ANKRD31: variants seen among roughly 807,000 people sequenced by gnomAD.
The protein encoded by ANKRD31 is ankyrin repeat domain-containing protein 31.
In ANKRD31, 147 loss-of-function variants were observed where a neutral mutation model predicts 186.0. That is an observed-to-expected ratio of 0.79 (90% CI 0.69 to 0.91). ANKRD31 has a LOEUF of 0.91. ANKRD31 is among the 40% of genes least tolerant of loss of function. ANKRD31 has a pLI of 0.00. For missense variants in ANKRD31, 1,986 were observed against 2,148.8 expected, an observed-to-expected ratio of 0.92 and a Z score of 1.50; for synonymous variants, 673 against 736.4, an observed-to-expected ratio of 0.91 and a Z score of 1.39.
intron 16 of ANKRD31, among the ~76,000 whole-genome samples, chr5:75,138,356 G>A (rs1329529430): frequency 2.0e-5 from 3 of 152,112 alleles, no homozygotes; most frequent in Non-Finnish European, 4.4e-5. Flanking sequence ...TCTTTAAAAT[G>A]ACACCTGGTT....
chr5:75,217,140 C>T (rs1039196830), intron 3 of ANKRD31, among the ~76,000 whole-genome samples: 4 of 151,956 alleles, frequency 2.6e-5, no homozygotes, highest in African/African-American at 9.7e-5. Flanking sequence ...GTTTCATGTC[C>T]GATTGCAGGG....
chr5:75,097,522 A>C (rs1746428220), intron 22 of ANKRD31, among the ~76,000 whole-genome samples: 1 of 151,902 alleles, frequency 6.6e-6, no homozygotes, highest in Admixed American at 6.6e-5. Context: ...TTTTCTTGTA[A>C]ATTTGTTTAA....
intron 17 of ANKRD31, among the ~76,000 whole-genome samples, chr5:75,124,644 G>T (rs1174722857): frequency 3.9e-5 from 6 of 152,064 alleles, no homozygotes; most frequent in African/African-American, 1.4e-4. Context: ...CCATAACAAA[G>T]AATGGGATCA....
chr5:75,180,964 A>C (rs901825310), intron 10 of ANKRD31, among the ~76,000 whole-genome samples: 34 of 152,060 alleles, frequency 2.2e-4, no homozygotes, highest in African/African-American at 7.7e-4. Context: ...AATGGGAGAA[A>C]ATTTTTGCAA....
rs143043580 is a variant in ANKRD31, at chr5:75,075,697, G to C, written c.5647+4871C>G. On this transcript the variant is annotated intron_variant, in intron 25 of 25. Transcript: ENST00000506364. ...GCTTTGGGCCAGTGAAGAGAGATGG[G>C]AACAGATAAAGACACCTAAAAAGAC... Among the ~76,000 whole-genome samples the C allele has an allele frequency of 6.6e-5, 10 of 152,244 alleles. No homozygotes were observed. In the East Asian group the frequency reaches 1.5e-3, roughly 23 times the overall value.
At chr5:75,116,024 G>C (rs1439397165) in intron 19 of ANKRD31, among the ~76,000 whole-genome samples, 8 of 151,428 alleles carry the variant, frequency 5.3e-5, no homozygotes, top group East Asian at 1.9e-4. Context: ...GTCCAACAAT[G>C]ATAGACTGGA....
intron 17 of ANKRD31, among the ~76,000 whole-genome samples, chr5:75,120,506 A>C (rs1475037704): frequency 6.6e-6 from 1 of 152,236 alleles, no homozygotes; most frequent in Non-Finnish European, 1.5e-5. Flanking sequence ...ATGGAGACAT[A>C]CTATATGCCA....
At position 75,148,613 on chromosome 5, in the gene ANKRD31, A is replaced by G; in HGVS notation, c.1868T>C (p.Ile623Thr). The G allele has an allele frequency of 6.6e-7, 1 of 1,525,762 alleles. No individual in the cohort carries two copies. Among genetic ancestry groups the G allele is most frequent in the Non-Finnish European group, 8.8e-7 (1 of 1,140,630 alleles). The allele number at this position is 1,525,762 out of a possible 1,614,324, so 94.5% of individuals were successfully genotyped here. A position where few individuals can be genotyped will look rare whatever the true frequency, so the allele number is the denominator to read the frequency against. The change falls in exon 13 of 26, where the codon ATT becomes ACT. Residue 623 changes from isoleucine to threonine, a missense_variant. Coordinates refer to ENST00000506364, the MANE Select transcript of ANKRD31 (RefSeq NM_001372053.1). ...KCLTSAQRSS[I>T]DPLDIEDVYQ... ...CACATCCTCTATGTCTAGTGGGTCA[A>G]TGCTACTCCTTTGAGCTGTAAACAA...
intron 10 of ANKRD31, among the ~76,000 whole-genome samples, chr5:75,172,605 A>C (rs540177124): frequency 6.6e-6 from 1 of 152,324 alleles, no homozygotes; most frequent in South Asian, 2.1e-4. Context: ...GAATACTATA[A>C]ACACCTCTAC....
At chr5:75,096,420 C>G (rs1424983231) in intron 22 of ANKRD31, among the ~76,000 whole-genome samples, 1 of 152,062 alleles carries the variant, frequency 6.6e-6, no homozygotes, top group African/African-American at 2.4e-5. Context: ...AGACCTTTGT[C>G]AGGTGGATAG....
chr5:75,230,082 C>T (rs1257568530), intron 2 of ANKRD31, among the ~76,000 whole-genome samples: 1 of 151,420 alleles, frequency 6.6e-6, no homozygotes, highest in South Asian at 2.1e-4. Flanking sequence ...TGTGTGTGTG[C>T]GCGCGTGTGT....
intron 22 of ANKRD31, among the ~76,000 whole-genome samples, chr5:75,100,168 AT>A (rs1463599201): frequency 1.3e-5 from 2 of 152,006 alleles, no homozygotes; most frequent in African/African-American, 4.8e-5. Context: ...TTCTGCCTTC[AT>A]TTTGTTATGT....
chr5:75,131,371 A>ACC (rs1749814619), intron 17 of ANKRD31, among the ~76,000 whole-genome samples: 1 of 152,124 alleles, frequency 6.6e-6, no homozygotes, highest in East Asian at 1.9e-4. Context: ...TATCCTGTGC[A>ACC]TGGGTCAGAG....
At chr5:75,195,553 A>G in intron 7 of ANKRD31, 78 bp downstream of exon 7, 6 of 1,240,336 alleles carry the variant, frequency 4.8e-6, no homozygotes, top group Non-Finnish European at 6.5e-6. Flanking sequence ...GCTCCACTGA[A>G]AGATGCTTGT....
chr5:75,195,798 C>T lies in ANKRD31; in HGVS notation c.850G>A (p.Ala284Thr). The T allele has an allele frequency of 6.5e-7, 1 of 1,537,386 alleles. No individual in the cohort carries two copies. Among genetic ancestry groups the T allele is most frequent in the East Asian group, 2.4e-5 (1 of 40,912 alleles). Residue 284 changes from alanine (A) to threonine (T), a missense_variant, in exon 7 of 26, where the codon GCA (alanine) becomes ACA (threonine). Coordinates refer to ENST00000506364, the MANE Select transcript of ANKRD31 (RefSeq NM_001372053.1). ...GCTTCCAATAACTCAGCTGGCAATG[C>T]ATCATCTTTTGCATCTTCTAGTAAA... ...RDLLEDAKDD[A>T]LPAELLEALN... is the part of the protein sequence containing the mutation.
intron 17 of ANKRD31, 80 bp downstream of exon 17, chr5:75,137,776 T>A: frequency 2.4e-6 from 3 of 1,243,302 alleles, no homozygotes; most frequent in Non-Finnish European, 3.1e-6. Context: ...TCATTTTAGT[T>A]CTCAGTTTAA....
At chr5:75,117,330 G>A (rs1748378845) in intron 18 of ANKRD31, among the ~76,000 whole-genome samples, 1 of 152,124 alleles carries the variant, frequency 6.6e-6, no homozygotes, top group African/African-American at 2.4e-5. Flanking sequence ...AAATGGCTGG[G>A]CCTCTAAGAA....
chr5:75,172,163 A>G (rs755672985), intron 10 of ANKRD31, among the ~76,000 whole-genome samples: 42 of 152,052 alleles, frequency 2.8e-4, no homozygotes, highest in Admixed American at 1.6e-3. Context: ...AACCCTTATT[A>G]TAGCAAATCG....
intron 25 of ANKRD31, among the ~76,000 whole-genome samples, chr5:75,076,595 T>G (rs1744670930): frequency 6.6e-6 from 1 of 152,224 alleles, no homozygotes; most frequent in African/African-American, 2.4e-5. Context: ...GTAGGCATGA[T>G]TGATTAAATC....
Sources: allele counts gnomAD v4.1 joint callset (sites outside exome capture counted in the v4.1 genomes callset), GRCh38; gene constraint gnomAD v4.1.1; transcripts MANE v1.5; gene names NCBI Gene and HGNC (gene_info 2026-07-23, HGNC 2026-07-21).